ARL15: variants seen among roughly 807,000 people sequenced by gnomAD.
ARL15 encodes ADP-ribosylation factor-like protein 15.
ARL15 carries 19 observed loss-of-function variants against 25.2 expected under a neutral mutation model. The ratio of observed to expected loss-of-function variants is 0.75; its 90% confidence interval spans 0.53 to 1.10. The LOEUF (loss-of-function observed/expected upper bound fraction) is 1.10, where lower values mean the gene tolerates loss of function less well. ARL15 is among the 50% of genes least tolerant of loss of function. The pLI is 0.00. For missense variants in ARL15, 220 were observed against 246.0 expected, an observed-to-expected ratio of 0.89 and a Z score of 0.71; for synonymous variants, 94 against 86.8, an observed-to-expected ratio of 1.08 and a Z score of -0.46.
intron 4 of ARL15, among the ~76,000 whole-genome samples, chr5:54,072,402 C>T (rs539841321): frequency 4.6e-5 from 7 of 152,228 alleles, no homozygotes; most frequent in Admixed American, 4.6e-4. Flanking sequence ...GTTGGCAATA[C>T]CCCTGTCTAG....
chr5:54,242,994 G>T (rs971235588), intron 1 of ARL15, among the ~76,000 whole-genome samples: 1 of 152,140 alleles, frequency 6.6e-6, no homozygotes, highest in African/African-American at 2.4e-5. Context: ...ACATAAAAAT[G>T]TGATTGCCTG....
At chr5:54,249,672 CAAAA>C (rs11437578) in intron 1 of ARL15, among the ~76,000 whole-genome samples, 3 of 72,628 alleles carry the variant, frequency 4.1e-5, no homozygotes, top group African/African-American at 8.3e-5. Flanking sequence ...TGGTTAAGAG[CAAAA>C]AAAAAAAAAA....
At chr5:54,154,090 A>G (rs1295492548) in intron 3 of ARL15, among the ~76,000 whole-genome samples, 3 of 152,192 alleles carry the variant, frequency 2.0e-5, no homozygotes, top group Non-Finnish European at 4.4e-5. Context: ...TGAGTGATGT[A>G]TGGTTTGGGG....
chr5:54,264,378 C>T (rs1045437129), intron 1 of ARL15, among the ~76,000 whole-genome samples: 3 of 152,188 alleles, frequency 2.0e-5, no homozygotes, highest in Admixed American at 6.5e-5. Context: ...TATAATACTT[C>T]ACTGGCCTCC....
intron 2 of ARL15, among the ~76,000 whole-genome samples, chr5:54,154,888 C>G (rs531131334): frequency 4.6e-5 from 7 of 152,074 alleles, no homozygotes; most frequent in Non-Finnish European, 1.0e-4. Flanking sequence ...TTTGGGAAGC[C>G]AAGGCGGGCA....
rs368798388 is a variant in ARL15, at chr5:54,081,811, G to T, written c.462+31391C>A. Reference sequence around the variant, plus strand: ...GTTCTTTATAGCAGTATGAAAACAGGCTAGGTATGGTGGCTCATGCCTGTA... The same window carrying T: ...GTTCTTTATAGCAGTATGAAAACAGTCTAGGTATGGTGGCTCATGCCTGTA... On this transcript the variant is annotated intron_variant, in intron 4 of 4. Transcript: ENST00000504924. 7.9e-5 allele frequency among the ~76,000 whole-genome samples: 12 copies of T among 152,188 alleles called. No individual in the cohort carries two copies. In the East Asian group the frequency reaches 1.9e-3, roughly 24 times the overall value.
At chr5:54,013,917 C>T (rs1011580363) in intron 4 of ARL15, among the ~76,000 whole-genome samples, 5 of 152,114 alleles carry the variant, frequency 3.3e-5, no homozygotes, top group Admixed American at 2.6e-4. Flanking sequence ...GTAATAACTC[C>T]CATCCTTCCA....
At chr5:54,158,822 G>A (rs1410143227) in intron 2 of ARL15, among the ~76,000 whole-genome samples, 4 of 152,294 alleles carry the variant, frequency 2.6e-5, no homozygotes, top group East Asian at 1.9e-4. Flanking sequence ...ACAGTGAGCC[G>A]AGATCAGGCC....
At chr5:54,249,535 G>T (rs1176910107) in intron 1 of ARL15, among the ~76,000 whole-genome samples, 1 of 152,098 alleles carries the variant, frequency 6.6e-6, no homozygotes, top group Admixed American at 6.6e-5. Flanking sequence ...TAAGGAAGGA[G>T]AGAGATAGGT....
intron 3 of ARL15, among the ~76,000 whole-genome samples, chr5:54,146,339 T>C (rs1753910342): frequency 1.3e-5 from 2 of 152,252 alleles, no homozygotes; most frequent in South Asian, 2.1e-4. Flanking sequence ...ATAGATACTA[T>C]GACTTTCAAG....
intron 4 of ARL15, among the ~76,000 whole-genome samples, chr5:54,019,761 C>T (rs977186864): frequency 6.6e-6 from 1 of 152,052 alleles, no homozygotes; most frequent in Non-Finnish European, 1.5e-5. Flanking sequence ...AAATCTGGAA[C>T]AAAAAGTAAT....
intron 4 of ARL15, among the ~76,000 whole-genome samples, chr5:54,032,901 C>T: frequency 6.6e-6 from 1 of 151,938 alleles, no homozygotes; most frequent in East Asian, 1.9e-4. Context: ...CCACCTTGAA[C>T]TAAAAATGTT....
chr5:54,096,145 C>A (rs903021054), intron 4 of ARL15, among the ~76,000 whole-genome samples: 1 of 152,172 alleles, frequency 6.6e-6, no homozygotes, highest in African/African-American at 2.4e-5. Flanking sequence ...GTATGTGAAA[C>A]ATACTTACCA....
At chr5:54,226,734 A>T (rs576381813) in intron 1 of ARL15, among the ~76,000 whole-genome samples, 70 of 152,360 alleles carry the variant, frequency 4.6e-4, no homozygotes, top group African/African-American at 1.7e-3. Flanking sequence ...CTTCAACTGA[A>T]GCAAAAATCA....
At chr5:54,247,940 A>G (rs954597107) in intron 1 of ARL15, among the ~76,000 whole-genome samples, 20 of 152,184 alleles carry the variant, frequency 1.3e-4, no homozygotes, top group African/African-American at 4.6e-4. Context: ...TGAAGGAGAA[A>G]AAGATGATGG....
intron 1 of ARL15, among the ~76,000 whole-genome samples, chr5:54,301,135 C>G (rs1029943208): frequency 2.0e-5 from 3 of 152,208 alleles, no homozygotes; most frequent in Non-Finnish European, 4.4e-5. Context: ...TCATGTGCTA[C>G]TCTAGCCGTC....
At chr5:54,003,885 T>C (rs944881827) in intron 4 of ARL15, among the ~76,000 whole-genome samples, 2 of 152,134 alleles carry the variant, frequency 1.3e-5, no homozygotes, top group Non-Finnish European at 2.9e-5. Flanking sequence ...TATCAGTCAG[T>C]AACTTTAAAC....
At position 54,234,625 on chromosome 5, in the gene ARL15, T is replaced by C. The variant is rs150152591; in HGVS notation, c.49-62697A>G. ...GTTTTTGTACAACAGTCTCCTAGTG[T>C]CCATGTTTAAGAATTTAAGGGACTT... On this transcript the variant is annotated intron_variant, in intron 1 of 4. Transcript: ENST00000504924. Among the ~76,000 whole-genome samples the C allele has an allele frequency of 4.6e-5, 7 of 152,330 alleles. No homozygotes were observed. In the East Asian group the frequency reaches 1.3e-3, roughly 29 times the overall value.
At chr5:54,119,765 C>T (rs1467429009) in intron 3 of ARL15, among the ~76,000 whole-genome samples, 1 of 152,160 alleles carries the variant, frequency 6.6e-6, no homozygotes, top group Non-Finnish European at 1.5e-5. Context: ...TCTCCTTTGC[C>T]TGGAGTTACT....
Sources: allele counts gnomAD v4.1 joint callset (sites outside exome capture counted in the v4.1 genomes callset), GRCh38; gene constraint gnomAD v4.1.1; transcripts MANE v1.5; gene names NCBI Gene and HGNC (gene_info 2026-07-23, HGNC 2026-07-21).